COTL1: variants seen among roughly 807,000 people sequenced by gnomAD.
COTL1 encodes coactosin like F-actin binding protein 1.
In COTL1, 15 loss-of-function variants were observed where a neutral mutation model predicts 16.5. That is an observed-to-expected ratio of 0.91 (90% CI 0.61 to 1.40). COTL1 has a LOEUF of 1.40. Ranked by LOEUF, COTL1 falls within the 40% of genes most tolerant of loss-of-function variation. The pLI is 0.00. For synonymous variants in COTL1, 112 were observed against 85.3 expected (o/e 1.31, Z -1.73); for missense variants, 220 against 201.5 (o/e 1.09, Z -0.56).
At position 84,587,494 on chromosome 16, in the gene COTL1, A is replaced by G. The variant is rs139227533; in HGVS notation, c.318+2611T>C. 9.9e-3 allele frequency among the ~76,000 whole-genome samples: 1,505 copies of G among 152,314 alleles called. 27 individuals are homozygous for G. Among genetic ancestry groups the G allele is most frequent in the African/African-American group, 0.034 (1,427 of 41,558 alleles). On this transcript the variant is annotated intron_variant, in intron 3 of 3. Coordinates refer to ENST00000262428, the MANE Select transcript of COTL1 (RefSeq NM_021149.5). The stretch of plus-strand genomic sequence containing the variant: ...AAATAAAAATTGGAAGCAACTTAAG[A>G]GGCCAAGAACAGGGGAACATTTAGT...
chr16:84,605,233 A>T (rs1208778059), intron 2 of COTL1, among the ~76,000 whole-genome samples: 1 of 152,168 alleles, frequency 6.6e-6, no homozygotes, highest in African/African-American at 2.4e-5. Context: ...TTTACATTGC[A>T]AGCTGGGGTG....
chr16:84,615,852 T>TG (rs1489801059), intron 2 of COTL1, among the ~76,000 whole-genome samples: 14 of 126,106 alleles, frequency 1.1e-4, no homozygotes, highest in South Asian at 6.2e-4. Context: ...TAATTTTAGT[T>TG]TTGTGTGTGT....
Position 84,574,689 on chromosome 16 carries a change from T to C in COTL1, c.319-7734A>G, listed in dbSNP as rs1156338282. 1.3e-5 allele frequency among the ~76,000 whole-genome samples: 2 copies of C among 152,116 alleles called. 1 individual carries two copies. Among genetic ancestry groups the C allele is most frequent in the Non-Finnish European group, 2.9e-5 (2 of 68,020 alleles). ...ACCTCTGCCTCCCGGGTTCAAGTGA[T>C]TCTCCTGCCTCTACCTCCTGAGTAG... On this transcript the variant is annotated intron_variant, in intron 3 of 3. Coordinates refer to ENST00000262428, the MANE Select transcript of COTL1 (RefSeq NM_021149.5).
At chr16:84,614,252 C>T (rs113252831) in intron 2 of COTL1, among the ~76,000 whole-genome samples, 4,928 of 152,244 alleles carry the variant, frequency 0.032, 252 homozygotes, top group African/African-American at 0.11. Flanking sequence ...GCGGAGGTAG[C>T]GGAGGGGCAG....
chr16:84,590,390 G>A lies in COTL1; in HGVS notation c.161-128C>T, dbSNP rs564338593. ...AGCAGGAGACCGGTGCAGTTCCCTG[G>A]GAGCACCATGTGCAGAGGACAGGAG... On this transcript the variant is annotated intron_variant, in intron 2 of 3. Transcript: ENST00000262428. This position sits in a 1 kb window ranked among gnomAD's most constrained non-coding sequence, Gnocchi z 5.5. 12 of 1,031,608 alleles carry A rather than the reference G, an allele frequency of 1.2e-5. No homozygotes were observed. Among genetic ancestry groups the A allele is most frequent in the Non-Finnish European group, 1.5e-5 (11 of 711,916 alleles). 63.9% of individuals were successfully genotyped at this position (1,031,608 alleles called of 1,614,324 possible). A position where few individuals can be genotyped will look rare whatever the true frequency, so the allele number is the denominator to read the frequency against.
At chr16:84,613,824 C>T (rs968024371) in intron 2 of COTL1, among the ~76,000 whole-genome samples, 7 of 151,940 alleles carry the variant, frequency 4.6e-5, no homozygotes, top group Non-Finnish European at 8.8e-5. Context: ...AGTGGGGCTG[C>T]CCCGCCCCCC....
intron 3 of COTL1, among the ~76,000 whole-genome samples, chr16:84,581,978 CTTTTTTTTT>C (rs11332563): frequency 4.5e-5 from 3 of 66,042 alleles, no homozygotes; most frequent in East Asian, 1.2e-3. Context: ...TACATTTCTT[CTTTTTTTTT>C]TTTTTTTTTT....
At position 84,605,307 on chromosome 16, in the gene COTL1, C is replaced by T. The variant is rs1054464395; in HGVS notation, c.160+12194G>A. Among the ~76,000 whole-genome samples, 11 of 152,310 alleles carry T rather than the reference C, an allele frequency of 7.2e-5. No homozygotes were observed. The South Asian group carries it at 1.0e-3, about 14-fold the overall frequency. ...CAGGTAAGAATTGCAGCCTGGCCTG[C>T]GTACTGCCTCGGCTGTGAAATGGGA... is the stretch of plus-strand genomic sequence containing the variant. On this transcript the variant is annotated intron_variant, in intron 2 of 3. Transcript: ENST00000262428.
chr16:84,586,668 T>C (rs1000441501), intron 3 of COTL1, among the ~76,000 whole-genome samples: 4 of 152,202 alleles, frequency 2.6e-5, no homozygotes, highest in African/African-American at 9.7e-5. Flanking sequence ...TCTCCTGAGT[T>C]GATCTCCTGG....
chr16:84,607,917 A>G (rs955207883), intron 2 of COTL1, among the ~76,000 whole-genome samples: 2 of 152,216 alleles, frequency 1.3e-5, no homozygotes, highest in African/African-American at 4.8e-5. Context: ...TCGGGCAGGA[A>G]GCAGAAGCAG....
intron 3 of COTL1, among the ~76,000 whole-genome samples, chr16:84,585,642 G>A (rs940546342): frequency 2.6e-5 from 4 of 152,132 alleles, no homozygotes; most frequent in Non-Finnish European, 5.9e-5. Context: ...GAGAACATCC[G>A]CTCTGAATCC....
chr16:84,572,726 G>A (rs927916013), intron 3 of COTL1, among the ~76,000 whole-genome samples: 8 of 147,962 alleles, frequency 5.4e-5, no homozygotes, highest in African/African-American at 2.0e-4. Context: ...CCTCCCAAAG[G>A]CCAGAATTTT....
At chr16:84,595,916 G>A (rs1196617552) in intron 2 of COTL1, 1 of 151,680 alleles carries the variant, frequency 6.6e-6, no homozygotes, top group Non-Finnish European at 1.5e-5. Context: ...GTATGTGTGT[G>A]TTATATATAT....
In COTL1 at chr16:84,590,946, C is replaced by T. The variant is rs1398972160; in HGVS notation, c.161-684G>A. ...TCACTTATGACTAGGGCAATTAGGT[C>T]AACAATGAATTCTGAACACATTTCC... On this transcript the variant is annotated intron_variant, in intron 2 of 3. Transcript: ENST00000262428. The surrounding 1 kb of genome is among the most constrained non-coding windows in gnomAD (Gnocchi z 5.5). Among the ~76,000 whole-genome samples the T allele has an allele frequency of 6.6e-6, 1 of 152,128 alleles. No homozygotes were observed. Among genetic ancestry groups the T allele is most frequent in the Non-Finnish European group, 1.5e-5 (1 of 68,030 alleles).
intron 3 of COTL1, among the ~76,000 whole-genome samples, chr16:84,586,787 T>G (rs769201682): frequency 1.3e-5 from 2 of 151,966 alleles, no homozygotes; most frequent in African/African-American, 4.8e-5. Flanking sequence ...GGGTTTGTGT[T>G]GGCATGTTCG....
At chr16:84,614,453 G>T (rs966079388) in intron 2 of COTL1, among the ~76,000 whole-genome samples, 10 of 152,084 alleles carry the variant, frequency 6.6e-5, no homozygotes, top group Admixed American at 2.0e-4. Context: ...GAAATGAGGA[G>T]GGGAGGCTGG....
intron 3 of COTL1, among the ~76,000 whole-genome samples, chr16:84,584,528 G>C (rs915400419): frequency 1.3e-5 from 2 of 152,172 alleles, no homozygotes; most frequent in African/African-American, 2.4e-5. Context: ...AGCTTTTTGA[G>C]GTCAGCGCTG....
chr16:84,584,706 T>C (rs1904678088), intron 3 of COTL1, among the ~76,000 whole-genome samples: 1 of 152,226 alleles, frequency 6.6e-6, no homozygotes, highest in Non-Finnish European at 1.5e-5. Flanking sequence ...TGCATCACGG[T>C]GTTGTCTAAA....
At chr16:84,607,551 C>A (rs1428997977) in intron 2 of COTL1, among the ~76,000 whole-genome samples, 1 of 152,172 alleles carries the variant, frequency 6.6e-6, no homozygotes, top group Non-Finnish European at 1.5e-5. Flanking sequence ...AACTAACACA[C>A]GCAGAGCTCC....
Sources: gnomAD v4.1 joint callset for allele counts (sites outside exome capture counted in the v4.1 genomes callset) on GRCh38, gnomAD v4.1.1 for gene constraint, Gnocchi (gnomAD v3.1) non-coding constraint, MANE v1.5 for transcripts, NCBI Gene and HGNC (gene_info 2026-07-23, HGNC 2026-07-21) for gene names.